Variants in RB1CC1 observed in about 807,000 individuals in gnomAD.
The protein encoded by RB1CC1 is RB1-inducible coiled-coil protein 1.
A neutral mutation model predicts 177.5 loss-of-function variants in RB1CC1; 46 were observed. The observed-to-expected ratio is 0.26, with a 90% CI of 0.20 to 0.33. RB1CC1 has a LOEUF of 0.33. RB1CC1 is among the 10% of genes least tolerant of loss of function. The probability of loss-of-function intolerance (pLI) is 1.00; values close to 1 mark genes in which losing one functional copy is unlikely to be tolerated. For synonymous variants in RB1CC1, 666 were observed against 613.6 expected (o/e 1.09, Z -1.26); for missense variants, 1,703 against 1,816.3 (o/e 0.94, Z 1.13).
intron 1 of RB1CC1, among the ~76,000 whole-genome samples, chr8:52,691,469 A>G (rs543527111): frequency 6.6e-6 from 1 of 152,236 alleles, no homozygotes; most frequent in Non-Finnish European, 1.5e-5. Flanking sequence ...TGAACAATTT[A>G]AACTATTTTA....
In RB1CC1 at chr8:52,668,005, A is replaced by T. The variant is rs1344608558; in HGVS notation, c.1173+16T>A. 6.3e-7 allele frequency: 1 copy of T among 1,585,928 alleles called. No individual in the cohort carries two copies. The highest frequency in any genetic ancestry group is 2.2e-5 in the East Asian group (1 of 44,558). ...ACTATAAATTCCTTTTCCTGAGAAAAGTCTAAAATAGGTACCTGAGCAAGC... is the reference window on the plus strand; with the variant it reads ...ACTATAAATTCCTTTTCCTGAGAAATGTCTAAAATAGGTACCTGAGCAAGC... On this transcript the variant is annotated intron_variant, in intron 8 of 23. Coordinates refer to ENST00000025008, the MANE Select transcript of RB1CC1 (RefSeq NM_014781.5).
chr8:52,710,617 C>T (rs998454416), intron 1 of RB1CC1, among the ~76,000 whole-genome samples: 1 of 151,988 alleles, frequency 6.6e-6, no homozygotes, highest in African/African-American at 2.4e-5. Context: ...GTGTCCCTAT[C>T]GTTTATAAAA....
At chr8:52,696,793 AG>A (rs1327838697) in intron 1 of RB1CC1, among the ~76,000 whole-genome samples, 13 of 152,268 alleles carry the variant, frequency 8.5e-5, no homozygotes, top group Admixed American at 8.5e-4. Context: ...ACTTGAGCTC[AG>A]GAGTTCAAGA....
chr8:52,673,966 A>G lies in RB1CC1; in HGVS notation c.881T>C (p.Ile294Thr), dbSNP rs181874355. 49 of 1,614,182 alleles carry G rather than the reference A, an allele frequency of 3.0e-5. No individual in the cohort carries two copies. The African/African-American group carries it at 6.1e-4, about 20-fold the overall frequency. Residue 294 changes from isoleucine (I) to threonine (T), a missense_variant, in exon 7 of 24, where the codon ATT becomes ACT. Ile to Thr is a moderately conservative substitution (Grantham distance 89, BLOSUM62 -1). Coordinates refer to ENST00000025008, the MANE Select transcript of RB1CC1 (RefSeq NM_014781.5). Reference protein sequence around the residue: ...STVHQQDETTIDTKDGDLPFF... With the variant: ...STVHQQDETTTDTKDGDLPFF... ...GGGCAGATCACCATCTTTAGTGTCA[A>G]TCGTAGTTTCATCTTGCTGATGAAC...
At chr8:52,678,154 C>T (rs923548554) in intron 5 of RB1CC1, among the ~76,000 whole-genome samples, 1 of 152,102 alleles carries the variant, frequency 6.6e-6, no homozygotes, top group Non-Finnish European at 1.5e-5. Context: ...TGCAGTGGCT[C>T]TCACCTGTAA....
At position 52,683,770 on chromosome 8, in the gene RB1CC1, T is replaced by C. The variant is rs781254343; in HGVS notation, c.199-51A>G. The C allele has an allele frequency of 7.1e-6, 11 of 1,559,692 alleles. No individual in the cohort carries two copies. In the Admixed American group the frequency reaches 2.1e-4, roughly 30 times the overall value. ...AACCAAAATAAAATGTTATAAATAC[T>C]GAGCGTGCACATTGCCTTCAATATA... On this transcript the variant is annotated intron_variant, in intron 4 of 23. Transcript: ENST00000025008.
intron 5 of RB1CC1, among the ~76,000 whole-genome samples, chr8:52,678,388 G>C (rs1303809750): frequency 6.6e-6 from 1 of 152,150 alleles, no homozygotes; most frequent in African/African-American, 2.4e-5. Context: ...CTGAATTCCA[G>C]CCTGGGTGGC....
Position 52,630,545 on chromosome 8 carries a change from A to G in RB1CC1, c.4441-17T>C. The G allele has an allele frequency of 6.5e-7, 1 of 1,543,670 alleles. No homozygotes were observed. Among genetic ancestry groups the G allele is most frequent in the Non-Finnish European group, 8.7e-7 (1 of 1,149,510 alleles). On this transcript the variant is annotated splice_polypyrimidine_tract_variant and intron_variant, in intron 20 of 23. Coordinates refer to ENST00000025008, the MANE Select transcript of RB1CC1 (RefSeq NM_014781.5). ...CTGAGACATCTAAAAAAAAAAAAAA[A>G]GTTTATGAACTTACACAATTTGAGT...
At chr8:52,707,095 G>C (rs1455496587) in intron 1 of RB1CC1, among the ~76,000 whole-genome samples, 2 of 152,204 alleles carry the variant, frequency 1.3e-5, no homozygotes, top group Non-Finnish European at 2.9e-5. Context: ...TTTTTCATTT[G>C]ATTACAAAAA....
rs1291709799 is a variant in RB1CC1, at chr8:52,712,343, A to AT, written c.-167+1731dup. 2.0e-5 allele frequency among the ~76,000 whole-genome samples: 3 copies of AT among 152,172 alleles called. No individual in the cohort carries two copies. In the East Asian group the frequency reaches 5.8e-4, roughly 29 times the overall value. On this transcript the variant is annotated intron_variant, in intron 1 of 23. Coordinates refer to ENST00000025008, the MANE Select transcript of RB1CC1 (RefSeq NM_014781.5). ...ATGTATGATATAAAATTTTAAGTTAATATTAGAGTCTAAAAACTTTTCTCA... is the reference window on the plus strand; with the variant it reads ...ATGTATGATATAAAATTTTAAGTTAATTATTAGAGTCTAAAAACTTTTCTCA...
chr8:52,687,943 GCGACCAGCTGGAGC>G, intron 1 of RB1CC1, among the ~76,000 whole-genome samples: 1 of 152,328 alleles, frequency 6.6e-6, no homozygotes, highest in Middle Eastern at 3.4e-3. Context: ...CCCAAACAGA[GCGACCAGCTGGAGC>G]CACAGCAGAG....
intron 15 of RB1CC1, among the ~76,000 whole-genome samples, chr8:52,652,681 A>G (rs909294550): frequency 6.6e-6 from 1 of 152,180 alleles, no homozygotes; most frequent in African/African-American, 2.4e-5. Context: ...AAAAGATGGT[A>G]AACACGCATG....
intron 8 of RB1CC1, among the ~76,000 whole-genome samples, chr8:52,663,705 A>G (rs1468397248): frequency 6.6e-6 from 1 of 152,214 alleles, no homozygotes; most frequent in Non-Finnish European, 1.5e-5. Context: ...CATTAGCAGC[A>G]ACAAAAGTAA....
intron 23 of RB1CC1, 117 bp downstream of exon 23, chr8:52,624,600 C>T: frequency 3.7e-6 from 3 of 814,354 alleles, no homozygotes; most frequent in Non-Finnish European, 5.9e-6. Flanking sequence ...TAAATTCAAG[C>T]TCTAACTGAA....
Position 52,623,411 on chromosome 8 carries a change from TAA to T in RB1CC1, c.*369_*370del, listed in dbSNP as rs1419919459. ...GATTTCACAAAAGGACAAATGCTGG[TAA>T]TAATAACATTTAACATCTAAGTTCA... On this transcript the variant is annotated 3_prime_UTR_variant, in exon 24 of 24. Transcript: ENST00000025008. 20 of 314,968 alleles carry T rather than the reference TAA, an allele frequency of 6.3e-5. No individual in the cohort carries two copies. The East Asian group carries it at 1.6e-3, about 25-fold the overall frequency. The allele number at this position is 314,968 out of a possible 1,614,324, so 19.5% of individuals were successfully genotyped here.
chr8:52,684,100 G>A (rs1255856388), intron 3 of RB1CC1, 87 bp from the exon 4 acceptor site: 8 of 1,399,680 alleles, frequency 5.7e-6, no homozygotes, highest in Non-Finnish European at 6.6e-6. Context: ...AAACACCTTA[G>A]AGGTTAATGA....
intron 1 of RB1CC1, among the ~76,000 whole-genome samples, chr8:52,692,327 A>G (rs1298961949): frequency 6.6e-6 from 1 of 152,200 alleles, no homozygotes; most frequent in Non-Finnish European, 1.5e-5. Flanking sequence ...AGGGGGAAAA[A>G]AGCTACAAAA....
At chr8:52,641,021 TG>T (rs1849524291) in intron 18 of RB1CC1, among the ~76,000 whole-genome samples, 1 of 151,976 alleles carries the variant, frequency 6.6e-6, no homozygotes, top group Admixed American at 6.6e-5. Context: ...TGGGCAGGGG[TG>T]GGGTACGAAG....
At chr8:52,691,590 T>G (rs1854860859) in intron 1 of RB1CC1, among the ~76,000 whole-genome samples, 1 of 152,242 alleles carries the variant, frequency 6.6e-6, no homozygotes, top group African/African-American at 2.4e-5. Flanking sequence ...GACTCCAGTA[T>G]ACAAATTTCT....
Sources: allele counts gnomAD v4.1 joint callset (sites outside exome capture counted in the v4.1 genomes callset), GRCh38; gene constraint gnomAD v4.1.1; transcripts MANE v1.5; gene names NCBI Gene and HGNC (gene_info 2026-07-23, HGNC 2026-07-21).